Variants in PDGFC observed in about 807,000 individuals in gnomAD.
The protein encoded by PDGFC is platelet derived growth factor C, also known as platelet-derived growth factor C.
A neutral mutation model predicts 35.5 loss-of-function variants in PDGFC; 12 were observed. The observed-to-expected ratio is 0.34, with a 90% CI of 0.22 to 0.55. PDGFC has a LOEUF of 0.55. Among genes scored for constraint, PDGFC ranks in the 20% least tolerant of loss-of-function variants. The pLI is 0.91. For synonymous variants in PDGFC, 159 were observed against 148.8 expected, an observed-to-expected ratio of 1.07 and a Z score of -0.50; for missense variants, 322 against 412.4, an observed-to-expected ratio of 0.78 and a Z score of 1.90.
At position 156,914,328 on chromosome 4, in the gene PDGFC, C is replaced by G. The variant is rs78117477; in HGVS notation, c.118+56458G>C. 7.6e-3 allele frequency among the ~76,000 whole-genome samples: 1,163 copies of G among 152,204 alleles called. 15 individuals are homozygous for G. Among genetic ancestry groups the G allele is most frequent in the African/African-American group, 0.027 (1,109 of 41,542 alleles). Reference sequence around the variant, plus strand: ...TTGCCTCCTTCTCCTATCCCTACCCCTTCCATCCCACTGCCATACTGGGCA... The same window carrying G: ...TTGCCTCCTTCTCCTATCCCTACCCGTTCCATCCCACTGCCATACTGGGCA... On this transcript the variant is annotated intron_variant, in intron 1 of 5. Coordinates refer to ENST00000502773, the MANE Select transcript of PDGFC (RefSeq NM_016205.3).
intron 1 of PDGFC, among the ~76,000 whole-genome samples, chr4:156,924,252 T>A (rs761889731): frequency 1.3e-5 from 2 of 152,162 alleles, no homozygotes; most frequent in African/African-American, 2.4e-5. Flanking sequence ...AACCTACAAT[T>A]TGTATTCTTG....
chr4:156,934,797 A>G (rs1384426449), intron 1 of PDGFC, among the ~76,000 whole-genome samples: 1 of 152,110 alleles, frequency 6.6e-6, no homozygotes, highest in Non-Finnish European at 1.5e-5. Flanking sequence ...AGAGACAAAC[A>G]CACCCATTAG....
chr4:156,872,779 T>C lies in PDGFC; in HGVS notation c.119-22363A>G, dbSNP rs573096449. 3.3e-5 allele frequency among the ~76,000 whole-genome samples: 5 copies of C among 152,340 alleles called. No homozygotes were observed. In the East Asian group the frequency reaches 5.8e-4, roughly 18 times the overall value. ...ATTTAAGTACACAACTGTTCTAGGA[T>C]TGCTAGGAAATTAAAAATTTATTTG... is the stretch of plus-strand genomic sequence containing the variant. On this transcript the variant is annotated intron_variant, in intron 1 of 5. Coordinates refer to ENST00000502773, the MANE Select transcript of PDGFC (RefSeq NM_016205.3).
chr4:156,878,902 T>C (rs897188972), intron 1 of PDGFC, among the ~76,000 whole-genome samples: 9 of 152,222 alleles, frequency 5.9e-5, no homozygotes, highest in African/African-American at 1.9e-4. Context: ...CAAGTAGCCC[T>C]GTGTTGACTT....
At chr4:156,780,091 G>A (rs1730935819) in intron 3 of PDGFC, among the ~76,000 whole-genome samples, 1 of 149,676 alleles carries the variant, frequency 6.7e-6, no homozygotes, top group Non-Finnish European at 1.5e-5. Flanking sequence ...GGCATCTGTG[G>A]GAAGCCAAAA....
rs188640849 is a variant in PDGFC at position 156,831,002 on chromosome 4, A to G, written c.314+19219T>C. Among the ~76,000 whole-genome samples the G allele has an allele frequency of 2.0e-4, 30 of 152,280 alleles. No individual in the cohort carries two copies. In the East Asian group the frequency reaches 4.6e-3, roughly 24 times the overall value. On this transcript the variant is annotated intron_variant, in intron 2 of 5. Transcript: ENST00000502773. ...TTTTTTGTATGCCTATCCCTTTACT[A>G]TTCAATGCTTTCCAGAGGCCAGGGG... is the stretch of plus-strand genomic sequence containing the variant.
chr4:156,917,195 A>G (rs1342900206), intron 1 of PDGFC, among the ~76,000 whole-genome samples: 1 of 152,224 alleles, frequency 6.6e-6, no homozygotes, highest in Non-Finnish European at 1.5e-5. Flanking sequence ...ATTTTTAAAT[A>G]CTATTCATCA....
At chr4:156,768,157 T>C (rs780205797) in intron 4 of PDGFC, among the ~76,000 whole-genome samples, 167 bp from the exon 5 acceptor site, 1 of 152,068 alleles carries the variant, frequency 6.6e-6, no homozygotes, top group Non-Finnish European at 1.5e-5. Flanking sequence ...CAACTACAAA[T>C]TGGACCTTCT....
At chr4:156,782,968 A>C (rs1383508821) in intron 3 of PDGFC, among the ~76,000 whole-genome samples, 1 of 152,214 alleles carries the variant, frequency 6.6e-6, no homozygotes, top group African/African-American at 2.4e-5. Context: ...GGTAATGACT[A>C]TAACGGAAGT....
rs142883633 is a variant in PDGFC, at chr4:156,869,189, T to C, written c.119-18773A>G. ...TGGCTCATGCCTGTAATCCCAGCAC[T>C]TTGGGAGGCAGAGGCGGGCGGATCA... On this transcript the variant is annotated intron_variant, in intron 1 of 5. Coordinates refer to ENST00000502773, the MANE Select transcript of PDGFC (RefSeq NM_016205.3). 2.7e-3 allele frequency among the ~76,000 whole-genome samples: 416 copies of C among 152,186 alleles called. 3 individuals carry two copies. The highest frequency in any genetic ancestry group is 9.7e-3 in the African/African-American group (402 of 41,516).
At chr4:156,959,919 C>T (rs1452554028) in intron 1 of PDGFC, among the ~76,000 whole-genome samples, 2 of 151,844 alleles carry the variant, frequency 1.3e-5, no homozygotes, top group Non-Finnish European at 2.9e-5. Context: ...GTTATCAGTA[C>T]AGATTAAAGA....
chr4:156,781,689 T>G (rs2110848747), intron 3 of PDGFC, among the ~76,000 whole-genome samples: 1 of 152,150 alleles, frequency 6.6e-6, no homozygotes, highest in Middle Eastern at 3.4e-3. Context: ...AGGGGAGGCA[T>G]ACCTACCAGC....
At chr4:156,932,752 G>C (rs1469606686) in intron 1 of PDGFC, among the ~76,000 whole-genome samples, 7 of 121,690 alleles carry the variant, frequency 5.8e-5, no homozygotes, top group African/African-American at 1.6e-4. Flanking sequence ...GTTGTGGGGT[G>C]GGGGGAGGGG....
intron 1 of PDGFC, among the ~76,000 whole-genome samples, chr4:156,896,407 A>G (rs1730634434): frequency 6.6e-6 from 1 of 152,140 alleles, no homozygotes; most frequent in Admixed American, 6.6e-5. Context: ...TACAGCTGAA[A>G]AACCTAGGAA....
chr4:156,806,222 T>C (rs1200131586), intron 3 of PDGFC, among the ~76,000 whole-genome samples: 1 of 152,040 alleles, frequency 6.6e-6, no homozygotes, highest in Non-Finnish European at 1.5e-5. Flanking sequence ...TGAAGTGTTG[T>C]GAGTTAAAGT....
intron 2 of PDGFC, among the ~76,000 whole-genome samples, chr4:156,824,315 T>C (rs781228316): frequency 0.064 from 3,080 of 48,260 alleles, 191 homozygotes; most frequent in African/African-American, 0.14. Flanking sequence ...TATATATATA[T>C]ATATATATAT....
In PDGFC at chr4:156,771,768, A is replaced by T. The variant is rs545524888; in HGVS notation, c.703+918T>A. ...CTTGTGAATGGCTCAAATTAACCGA[A>T]CATTATTCCTTTCATATAAATTCTC... On this transcript the variant is annotated intron_variant, in intron 4 of 5. Transcript: ENST00000502773. Among the ~76,000 whole-genome samples, 5 of 152,296 alleles carry T rather than the reference A, an allele frequency of 3.3e-5. No homozygotes were observed. The South Asian group carries it at 1.0e-3, about 32-fold the overall frequency.
rs1472329498 is a variant in PDGFC at position 156,760,934 on chromosome 4, A to G, written c.*2156T>C. On this transcript the variant is annotated 3_prime_UTR_variant, in exon 6 of 6. Transcript: ENST00000502773. ...AACTACTTACTACGTTGCATATTCC[A>G]TATATCTAGTTGGCCTCTATATGGA... is the stretch of plus-strand genomic sequence containing the variant. 1.3e-5 allele frequency: 2 copies of G among 152,212 alleles called. No homozygotes were observed. Among genetic ancestry groups the G allele is most frequent in the East Asian group, 3.9e-4 (2 of 5,192 alleles). 9.4% of individuals were successfully genotyped at this position (152,212 alleles called of 1,614,324 possible). A position where few individuals can be genotyped will look rare whatever the true frequency, so the allele number is the denominator to read the frequency against.
At chr4:156,780,380 AAAG>A (rs1730945766) in intron 3 of PDGFC, among the ~76,000 whole-genome samples, 1 of 152,166 alleles carries the variant, frequency 6.6e-6, no homozygotes, top group Non-Finnish European at 1.5e-5. Flanking sequence ...GCAAAACATG[AAAG>A]AATATATACC....
Sources: allele counts gnomAD v4.1 joint callset (sites outside exome capture counted in the v4.1 genomes callset), GRCh38; gene constraint gnomAD v4.1.1; transcripts MANE v1.5; gene names NCBI Gene and HGNC (gene_info 2026-07-23, HGNC 2026-07-21).